The following ATG10 variants were observed in gnomAD, a reference collection of about 807,000 sequenced individuals.
ATG10 encodes autophagy related 10, also known as ubiquitin-like-conjugating enzyme ATG10.
A neutral mutation model predicts 32.1 loss-of-function variants in ATG10; 30 were observed. That is an observed-to-expected ratio of 0.94 (90% confidence interval 0.70 to 1.27). ATG10 has a LOEUF of 1.27. Among genes scored for constraint, ATG10 ranks in the 50% most tolerant of loss-of-function variants. The probability of loss-of-function intolerance (pLI) is 0.00; values close to 1 mark genes in which losing one functional copy is unlikely to be tolerated. For synonymous variants in ATG10, 87 were observed against 91.5 expected, an observed-to-expected ratio of 0.95 and a Z score of 0.28; for missense variants, 233 against 262.3, an observed-to-expected ratio of 0.89 and a Z score of 0.77.
chr5:82,242,292 T>C (rs1271307812), intron 5 of ATG10, among the ~76,000 whole-genome samples: 1 of 152,108 alleles, frequency 6.6e-6, no homozygotes, highest in Non-Finnish European at 1.5e-5. Flanking sequence ...AGAGCATTAA[T>C]GTATGAGAAG....
At chr5:82,226,684 C>T (rs941179372) in intron 5 of ATG10, among the ~76,000 whole-genome samples, 1 of 152,136 alleles carries the variant, frequency 6.6e-6, no homozygotes, top group African/African-American at 2.4e-5. Flanking sequence ...AATGGAGCTT[C>T]TCTTATAGCA....
At chr5:82,155,336 A>G (rs1767760818) in intron 3 of ATG10, among the ~76,000 whole-genome samples, 1 of 152,212 alleles carries the variant, frequency 6.6e-6, no homozygotes, top group South Asian at 2.1e-4. Flanking sequence ...TGGAGATACA[A>G]GTCCTTTAAT....
At chr5:82,074,057 C>T (rs1215506770) in intron 3 of ATG10, among the ~76,000 whole-genome samples, 1 of 152,082 alleles carries the variant, frequency 6.6e-6, no homozygotes. Context: ...ATGCTGCTCC[C>T]AAAACTGTTG....
intron 3 of ATG10, among the ~76,000 whole-genome samples, chr5:82,070,189 G>A (rs920841111): frequency 5.3e-5 from 8 of 152,120 alleles, no homozygotes; most frequent in Non-Finnish European, 7.4e-5. Context: ...AGGCTGTCCC[G>A]ATGGATGCCT....
At chr5:82,201,545 T>G (rs1014587392) in intron 5 of ATG10, among the ~76,000 whole-genome samples, 2 of 152,216 alleles carry the variant, frequency 1.3e-5, no homozygotes, top group African/African-American at 4.8e-5. Flanking sequence ...TTGCCTTGCT[T>G]ATTGTAGCTT....
intron 2 of ATG10, among the ~76,000 whole-genome samples, chr5:82,018,732 G>T (rs77327120): frequency 0.011 from 1,684 of 152,188 alleles, 17 homozygotes; most frequent in Middle Eastern, 0.031. Flanking sequence ...GGTCCTTTGT[G>T]TGGTTGCTCA....
At chr5:82,099,679 T>G (rs1055756098) in intron 3 of ATG10, among the ~76,000 whole-genome samples, 1 of 152,172 alleles carries the variant, frequency 6.6e-6, no homozygotes, top group African/African-American at 2.4e-5. Flanking sequence ...TATATTAATT[T>G]AGCATAGTAT....
At chr5:82,103,656 T>C (rs1765352467) in intron 3 of ATG10, among the ~76,000 whole-genome samples, 1 of 152,122 alleles carries the variant, frequency 6.6e-6, no homozygotes, top group Non-Finnish European at 1.5e-5. Context: ...CAGTTATGAA[T>C]GTATGCCTTG....
intron 1 of ATG10, among the ~76,000 whole-genome samples, chr5:81,979,544 C>G (rs1409649404): frequency 1.3e-5 from 2 of 152,062 alleles, no homozygotes; most frequent in Non-Finnish European, 2.9e-5. Context: ...AAAATGTTTA[C>G]TGTTTGCCTA....
intron 5 of ATG10, among the ~76,000 whole-genome samples, chr5:82,224,539 T>C (rs1163999264): frequency 6.6e-6 from 1 of 152,128 alleles, no homozygotes; most frequent in Non-Finnish European, 1.5e-5. Context: ...ATCGGGTATT[T>C]GCATGCAGGG....
chr5:82,152,446 C>T (rs1767642854), intron 3 of ATG10, among the ~76,000 whole-genome samples: 1 of 152,236 alleles, frequency 6.6e-6, no homozygotes, highest in African/African-American at 2.4e-5. Flanking sequence ...CTGCTATTTA[C>T]ATCTGTCACA....
At position 82,053,708 on chromosome 5, in the gene ATG10, TATTA is replaced by T. The variant is rs1029052971; in HGVS notation, c.109-4782_109-4779del. Among the ~76,000 whole-genome samples, 116 of 152,306 alleles carry T rather than the reference TATTA, an allele frequency of 7.6e-4. 1 individual carries two copies. Among genetic ancestry groups the T allele is most frequent in the African/African-American group, 2.6e-3 (108 of 41,584 alleles). The stretch of plus-strand genomic sequence containing the variant: ...TGGGTTATAACAGCTGGACATTTCT[TATTA>T]ATTATTCTTCTACAGTGACAGAGTG... On this transcript the variant is annotated intron_variant, in intron 2 of 7. Transcript: ENST00000282185.
At chr5:82,200,806 A>G (rs1745040801) in intron 5 of ATG10, among the ~76,000 whole-genome samples, 1 of 150,918 alleles carries the variant, frequency 6.6e-6, no homozygotes, top group South Asian at 2.1e-4. Context: ...TTCTTTTAAC[A>G]GTTTTTCACA....
At chr5:82,200,772 C>T (rs964341898) in intron 5 of ATG10, among the ~76,000 whole-genome samples, 1 of 151,312 alleles carries the variant, frequency 6.6e-6, no homozygotes, top group Non-Finnish European at 1.5e-5. Flanking sequence ...TAAATACTTT[C>T]TCCCAGTGTA....
At chr5:82,189,551 T>A (rs553577971) in intron 5 of ATG10, among the ~76,000 whole-genome samples, 1 of 152,250 alleles carries the variant, frequency 6.6e-6, no homozygotes, top group Non-Finnish European at 1.5e-5. Context: ...AAGTCTTTAC[T>A]GGCAGCTTAC....
chr5:82,144,101 A>G (rs986731182), intron 3 of ATG10, among the ~76,000 whole-genome samples: 5 of 151,936 alleles, frequency 3.3e-5, no homozygotes, highest in Non-Finnish European at 7.4e-5. Flanking sequence ...CTTAATTGTT[A>G]AATTTTTGGT....
At chr5:82,167,119 C>T (rs1743614636) in intron 4 of ATG10, among the ~76,000 whole-genome samples, 1 of 152,124 alleles carries the variant, frequency 6.6e-6, no homozygotes, top group Non-Finnish European at 1.5e-5. Flanking sequence ...GTCCAGTTTC[C>T]ACCAGGCCAA....
intron 1 of ATG10, among the ~76,000 whole-genome samples, chr5:81,980,112 G>C: frequency 6.6e-6 from 1 of 151,948 alleles, no homozygotes; most frequent in East Asian, 1.9e-4. Flanking sequence ...CTACTGTTAC[G>C]TGTTTGAATT....
chr5:82,130,672 C>T (rs1404255957), intron 3 of ATG10, among the ~76,000 whole-genome samples: 1 of 152,086 alleles, frequency 6.6e-6, no homozygotes, highest in Non-Finnish European at 1.5e-5. Flanking sequence ...CCGTGGGCTG[C>T]ACCCACTGTC....
Sources: allele counts gnomAD v4.1 joint callset (sites outside exome capture counted in the v4.1 genomes callset), GRCh38; gene constraint gnomAD v4.1.1; transcripts MANE v1.5; gene names NCBI Gene and HGNC (gene_info 2026-07-23, HGNC 2026-07-21).